The following C1orf105 variants were observed in gnomAD, a reference collection of about 807,000 sequenced individuals.
The protein encoded by C1orf105 is uncharacterized protein C1orf105.
C1orf105 carries 17 observed loss-of-function variants against 20.8 expected under a neutral mutation model. That is an observed-to-expected ratio of 0.82 (90% CI 0.56 to 1.23). The LOEUF (loss-of-function observed/expected upper bound fraction) is 1.23, where lower values mean the gene tolerates loss of function less well. C1orf105 is among the 50% of genes most tolerant of loss of function. The pLI is 0.00. For missense variants in C1orf105, 219 were observed against 213.5 expected (o/e 1.03, Z -0.16); for synonymous variants, 72 against 72.1 (o/e 1.00, Z 0.01).
chr1:172,435,559 A>G (rs1274121321), intron 1 of C1orf105, among the ~76,000 whole-genome samples: 1 of 152,234 alleles, frequency 6.6e-6, no homozygotes, highest in East Asian at 1.9e-4. Flanking sequence ...TTCATGCTAA[A>G]AACTCTCAAT....
At chr1:172,426,941 T>C (rs1466831178) in intron 1 of C1orf105, among the ~76,000 whole-genome samples, 1 of 152,238 alleles carries the variant, frequency 6.6e-6, no homozygotes, top group Non-Finnish European at 1.5e-5. Context: ...TTTGCACCCA[T>C]GTAACTGTAC....
At position 172,440,703 on chromosome 1, in the gene C1orf105, C is replaced by A. The variant is rs2072192472; in HGVS notation, c.22-4370C>A. Reference sequence around the variant, plus strand: ...CATCAAATATTGTCCCATCATTGTGCCCATGCTAAGGACAGATGGGCACAG... The same window carrying A: ...CATCAAATATTGTCCCATCATTGTGACCATGCTAAGGACAGATGGGCACAG... On this transcript the variant is annotated intron_variant, in intron 1 of 6. Coordinates refer to ENST00000367727, the MANE Select transcript of C1orf105 (RefSeq NM_139240.4). Among the ~76,000 whole-genome samples, 3 of 152,274 alleles carry A rather than the reference C, an allele frequency of 2.0e-5. No individual in the cohort carries two copies. The South Asian group carries it at 6.2e-4, about 32-fold the overall frequency.
chr1:172,450,353 A>C (rs1648483906), intron 3 of C1orf105, among the ~76,000 whole-genome samples: 1 of 152,224 alleles, frequency 6.6e-6, no homozygotes, highest in African/African-American at 2.4e-5. Flanking sequence ...GCACCAGGCC[A>C]GTACCTCCAG....
chr1:172,468,765 C>T lies in C1orf105; in HGVS notation c.*171C>T, dbSNP rs1182544395. ...TAGCTCTTACCTCTATGTTCTTTCT[C>T]ACGTCTCCTAAAGACAAAATTGTTT... On this transcript the variant is annotated 3_prime_UTR_variant, in exon 7 of 7. Coordinates refer to ENST00000367727, the MANE Select transcript of C1orf105 (RefSeq NM_139240.4). The T allele has an allele frequency of 4.2e-5, 25 of 591,630 alleles. No individual in the cohort carries two copies. The East Asian group carries it at 7.2e-4, about 17-fold the overall frequency. 36.6% of individuals were successfully genotyped at this position (591,630 alleles called of 1,614,324 possible).
chr1:172,459,746 A>C (rs1002665724), intron 4 of C1orf105, among the ~76,000 whole-genome samples: 2 of 152,190 alleles, frequency 1.3e-5, no homozygotes, highest in East Asian at 3.8e-4. Flanking sequence ...ACAAAATTCT[A>C]CAAGAATGCA....
At chr1:172,425,297 T>C (rs968477739) in intron 1 of C1orf105, among the ~76,000 whole-genome samples, 3 of 152,182 alleles carry the variant, frequency 2.0e-5, no homozygotes, top group Non-Finnish European at 2.9e-5. Flanking sequence ...TGCCAGCCAA[T>C]TGGGAAATGG....
chr1:172,434,392 C>A (rs1220042928), intron 1 of C1orf105, among the ~76,000 whole-genome samples: 1 of 152,058 alleles, frequency 6.6e-6, no homozygotes, highest in Non-Finnish European at 1.5e-5. Flanking sequence ...ACAGAAATCA[C>A]AACAAACTGT....
At chr1:172,447,285 C>G (rs1648119266) in intron 2 of C1orf105, among the ~76,000 whole-genome samples, 1 of 152,130 alleles carries the variant, frequency 6.6e-6, no homozygotes, top group African/African-American at 2.4e-5. Flanking sequence ...CAGAGTAATT[C>G]CAAGTGTGCG....
chr1:172,462,554 T>A (rs1271642196), intron 5 of C1orf105, among the ~76,000 whole-genome samples: 1 of 152,230 alleles, frequency 6.6e-6, no homozygotes, highest in Non-Finnish European at 1.5e-5. Flanking sequence ...AAATTCTCCA[T>A]GTAGATGACA....
At chr1:172,454,458 G>A (rs1346027013) in intron 3 of C1orf105, among the ~76,000 whole-genome samples, 1 of 151,944 alleles carries the variant, frequency 6.6e-6, no homozygotes, top group African/African-American at 2.4e-5. Flanking sequence ...AGGGGTATCA[G>A]GAAGACATGG....
chr1:172,429,768 T>G (rs1469003785), intron 1 of C1orf105, among the ~76,000 whole-genome samples: 1 of 151,402 alleles, frequency 6.6e-6, no homozygotes, highest in Non-Finnish European at 1.5e-5. Flanking sequence ...TACAGCCAGA[T>G]GCACAAGCCT....
intron 1 of C1orf105, among the ~76,000 whole-genome samples, chr1:172,430,878 T>C (rs763350478): frequency 6.6e-6 from 1 of 152,222 alleles, no homozygotes; most frequent in Non-Finnish European, 1.5e-5. Context: ...TATTTCAAAC[T>C]TTATTATCAT....
At position 172,426,336 on chromosome 1, in the gene C1orf105, T is replaced by C. The variant is rs1200053847; in HGVS notation, c.21+5430T>C. Among the ~76,000 whole-genome samples the C allele has an allele frequency of 2.0e-5, 3 of 152,206 alleles. No homozygotes were observed. In the South Asian group the frequency reaches 6.2e-4, roughly 32 times the overall value. On this transcript the variant is annotated intron_variant, in intron 1 of 6. Transcript: ENST00000367727. ...TTTCCTCCTCGCTAAAACCCCCAGC[T>C]TTGAACCTCATGGCATCAGATTACA...
At chr1:172,422,116 C>T (rs2149153093) in intron 1 of C1orf105, among the ~76,000 whole-genome samples, 1 of 152,196 alleles carries the variant, frequency 6.6e-6, no homozygotes, top group East Asian at 1.9e-4. Flanking sequence ...AGCCAGTGGA[C>T]TGGGGAGCGC....
chr1:172,445,603 C>A (rs370525218), intron 2 of C1orf105, among the ~76,000 whole-genome samples: 65 of 152,332 alleles, frequency 4.3e-4, no homozygotes, highest in African/African-American at 1.5e-3. Flanking sequence ...CTACTCCTTC[C>A]AAACAAACTA....
At chr1:172,431,234 T>A (rs2071865151) in intron 1 of C1orf105, 1 of 435,144 alleles carries the variant, frequency 2.3e-6, no homozygotes, top group Non-Finnish European at 4.1e-6. Flanking sequence ...AGGCCTCTTG[T>A]GACAAACAGC....
intron 1 of C1orf105, among the ~76,000 whole-genome samples, chr1:172,430,915 G>C (rs1277295871): frequency 6.6e-6 from 1 of 152,112 alleles, no homozygotes; most frequent in African/African-American, 2.4e-5. Context: ...TGTGATCAGT[G>C]ATCTTTGATG....
At chr1:172,448,594 T>C in intron 3 of C1orf105, 63 bp downstream of exon 3, 2 of 927,870 alleles carry the variant, frequency 2.2e-6, no homozygotes, top group Admixed American at 1.8e-5. Flanking sequence ...AGAATATGAA[T>C]ACATGTCCCA....
intron 3 of C1orf105, among the ~76,000 whole-genome samples, chr1:172,454,595 C>T (rs779409905): frequency 1.3e-5 from 2 of 152,094 alleles, no homozygotes; most frequent in African/African-American, 2.4e-5. Flanking sequence ...TTCACTTACC[C>T]GAAGCTGATT....
Sources: gnomAD v4.1 joint callset for allele counts (sites outside exome capture counted in the v4.1 genomes callset) on GRCh38, gnomAD v4.1.1 for gene constraint, MANE v1.5 for transcripts, NCBI Gene and HGNC (gene_info 2026-07-23, HGNC 2026-07-21) for gene names.